Variants in TENM2 observed in about 807,000 individuals in gnomAD.
TENM2 encodes the protein teneurin-2.
TENM2 carries 52 observed loss-of-function variants against 245.2 expected under a neutral mutation model. The ratio of observed to expected loss-of-function variants is 0.21; its 90% CI spans 0.17 to 0.27. The LOEUF (loss-of-function observed/expected upper bound fraction) is 0.27, where lower values mean the gene tolerates loss of function less well. Among genes scored for constraint, TENM2 ranks in the 10% least tolerant of loss-of-function variants. The pLI, the probability that TENM2 is intolerant of heterozygous loss-of-function variation, is 1.00. For missense variants in TENM2, 3,046 were observed against 3,666.8 expected, an observed-to-expected ratio of 0.83 and a Z score of 4.37; for synonymous variants, 1,363 against 1,438.9, an observed-to-expected ratio of 0.95 and a Z score of 1.19.
At position 167,640,542 on chromosome 5, in the gene TENM2, C is replaced by T. The variant is rs1582623724; in HGVS notation, c.503-235444C>T. ...CTGAGGCAGGAGAATTGCTTAAACC[C>T]ATGACGTGGAGGTTGCAGTGAGCCG... is the stretch of plus-strand genomic sequence containing the variant. On this transcript the variant is annotated intron_variant, in intron 2 of 28. Coordinates refer to ENST00000518659, the Ensembl canonical transcript of TENM2. 2.0e-5 allele frequency among the ~76,000 whole-genome samples: 3 copies of T among 150,396 alleles called. No homozygotes were observed. The South Asian group carries it at 6.3e-4, about 32-fold the overall frequency.
chr5:168,063,831 A>T (rs1246665848), intron 7 of TENM2, among the ~76,000 whole-genome samples: 2 of 152,154 alleles, frequency 1.3e-5, no homozygotes, highest in Admixed American at 6.6e-5. Flanking sequence ...GCCTAAAATG[A>T]TCAATATAAG....
the TENM2 span, among the ~76,000 whole-genome samples, chr5:167,275,811 A>C: frequency 6.6e-6 from 1 of 151,978 alleles, no homozygotes; most frequent in Non-Finnish European, 1.5e-5. Flanking sequence ...TAAACAGGGA[A>C]AGTTTTATGT....
At position 167,428,731 on chromosome 5, in the gene TENM2, C is replaced by A. The variant is rs77898817; in HGVS notation, c.502+53258C>A. Among the ~76,000 whole-genome samples, 132 of 152,214 alleles carry A rather than the reference C, an allele frequency of 8.7e-4. 1 individual carries two copies. In the East Asian group the frequency reaches 0.021, roughly 24 times the overall value. On this transcript the variant is annotated intron_variant, in intron 2 of 28. Coordinates refer to ENST00000518659, the Ensembl canonical transcript of TENM2. ...AACTCTGAACAATGAAAAAAAAGAG[C>A]ATTTTCTGTATCCCAGGTTGCTTTT... is the stretch of plus-strand genomic sequence containing the variant.
At chr5:168,190,474 T>C in exon 14 of TENM2, 1 of 1,614,046 alleles carries the variant, frequency 6.2e-7, no homozygotes, top group Non-Finnish European at 8.5e-7. Flanking sequence ...GAAGTCCTTC[T>C]ATGACCGTAT....
chr5:168,046,826 T>A (rs1788649788), intron 5 of TENM2, among the ~76,000 whole-genome samples: 1 of 152,188 alleles, frequency 6.6e-6, no homozygotes, highest in African/African-American at 2.4e-5. Flanking sequence ...CCACTCATCA[T>A]GAAGAGGAGT....
chr5:168,198,433 TG>T (rs1437868084), intron 15 of TENM2, among the ~76,000 whole-genome samples: 1 of 152,072 alleles, frequency 6.6e-6, no homozygotes, highest in Non-Finnish European at 1.5e-5. Context: ...TGACCTCAAG[TG>T]ATGCACTCAC....
the TENM2 span, among the ~76,000 whole-genome samples, chr5:167,169,521 G>A: frequency 6.6e-6 from 1 of 152,062 alleles, no homozygotes; most frequent in African/African-American, 2.4e-5. Context: ...TTCTCTCCCT[G>A]TAAAATAATC....
At chr5:167,702,633 G>GT (rs1199858388) in intron 2 of TENM2, among the ~76,000 whole-genome samples, 10 of 147,044 alleles carry the variant, frequency 6.8e-5, no homozygotes, top group Middle Eastern at 7.0e-3. Context: ...GTGTTTTTTT[G>GT]TTTTTTTGTT....
the TENM2 span, among the ~76,000 whole-genome samples, chr5:167,241,474 A>G: frequency 6.6e-6 from 1 of 152,212 alleles, no homozygotes; most frequent in African/African-American, 2.4e-5. Context: ...AGTCCTGAAG[A>G]GCAGAAGGAG....
chr5:167,820,909 G>A (rs1033060010), intron 2 of TENM2, among the ~76,000 whole-genome samples: 1 of 152,162 alleles, frequency 6.6e-6, no homozygotes, highest in African/African-American at 2.4e-5. Context: ...AGGAAACAAT[G>A]TGTCTTCACG....
intron 12 of TENM2, chr5:168,128,835 A>T (rs1434638528): frequency 2.6e-5 from 4 of 152,256 alleles, no homozygotes; most frequent in Non-Finnish European, 5.9e-5. Flanking sequence ...CAGTGACCAT[A>T]AACAAAGTAT....
chr5:167,566,184 T>C (rs1773895329), intron 2 of TENM2, among the ~76,000 whole-genome samples: 1 of 144,498 alleles, frequency 6.9e-6, no homozygotes, highest in African/African-American at 2.5e-5. Flanking sequence ...GAGAGTTCTC[T>C]TTTTTTTTTT....
intron 1 of TENM2, among the ~76,000 whole-genome samples, chr5:167,348,949 A>G (rs1275353844): frequency 1.3e-5 from 2 of 152,232 alleles, no homozygotes; most frequent in African/African-American, 4.8e-5. Flanking sequence ...TGGTTTTTAC[A>G]GGTACAATTT....
chr5:167,229,444 A>G, the TENM2 span, among the ~76,000 whole-genome samples: 2 of 152,196 alleles, frequency 1.3e-5, no homozygotes, highest in African/African-American at 2.4e-5. Context: ...GGTGTGGTGT[A>G]GGTGCTGGAA....
intron 2 of TENM2, among the ~76,000 whole-genome samples, chr5:167,423,725 A>G (rs187856181): frequency 2.0e-5 from 3 of 152,284 alleles, no homozygotes; most frequent in East Asian, 1.9e-4. Context: ...AGACACATCT[A>G]TCTCTAGGAT....
chr5:167,055,014 C>A, the TENM2 span, among the ~76,000 whole-genome samples: 1 of 151,986 alleles, frequency 6.6e-6, no homozygotes, highest in Non-Finnish European at 1.5e-5. Flanking sequence ...TTCTGCAGAG[C>A]AGAATTTTTA....
chr5:168,261,970 A>G, intron 28 of TENM2, 79 bp from the exon 31 acceptor site: 8 of 1,425,354 alleles, frequency 5.6e-6, no homozygotes, highest in Non-Finnish European at 7.7e-6. Context: ...GAGAGTTCCA[A>G]GCCTTTCTCT....
chr5:167,387,083 T>G (rs1057094513), intron 2 of TENM2, among the ~76,000 whole-genome samples: 1 of 152,172 alleles, frequency 6.6e-6, no homozygotes, highest in Non-Finnish European at 1.5e-5. Flanking sequence ...ATTGAATTTG[T>G]AGATTGCTTT....
At chr5:167,797,174 A>G (rs547080296) in intron 2 of TENM2, among the ~76,000 whole-genome samples, 19 of 152,262 alleles carry the variant, frequency 1.2e-4, no homozygotes, top group African/African-American at 4.6e-4. Flanking sequence ...ACATGCAGAA[A>G]TATGCACTCA....
Sources: allele counts gnomAD v4.1 joint callset (sites outside exome capture counted in the v4.1 genomes callset), GRCh38; gene constraint gnomAD v4.1.1; transcripts MANE v1.5; gene names NCBI Gene and HGNC (gene_info 2026-07-23, HGNC 2026-07-21).